TACC1: variants seen among roughly 807,000 people sequenced by gnomAD.
The protein encoded by TACC1 is transforming acidic coiled-coil containing protein 1.
Under a neutral mutation model 84.4 loss-of-function variants are expected in TACC1, and 48 were observed. The observed-to-expected ratio is 0.57, with a 90% CI of 0.45 to 0.72. The LOEUF is 0.72. Among genes scored for constraint, TACC1 ranks in the 30% least tolerant of loss-of-function variants. The pLI is 0.00. For missense variants in TACC1, 920 were observed against 973.0 expected (o/e 0.95, Z 0.72); for synonymous variants, 372 against 376.3 (o/e 0.99, Z 0.13).
rs796643582 is a variant in TACC1, at chr8:38,755,812, C to T, written c.26+10319C>T. ...GTGAAAGATAGACAAGTGAAGAGAT[C>T]ATTATTATTATTATTATTAGAGATG... On this transcript the variant is annotated intron_variant, in intron 3 of 14. Coordinates refer to the TACC1 transcript ENST00000518415. 3.5e-3 allele frequency among the ~76,000 whole-genome samples: 522 copies of T among 150,036 alleles called. 7 individuals are homozygous for T. Among genetic ancestry groups the T allele is most frequent in the African/African-American group, 0.012 (504 of 40,894 alleles).
At position 38,851,216 on chromosome 8, in the gene TACC1, G is replaced by A. The variant is rs1833043332; in HGVS notation, c.*3193G>A. 1 of 152,238 alleles carries A rather than the reference G, an allele frequency of 6.6e-6. No individual in the cohort carries two copies. Among genetic ancestry groups the A allele is most frequent in the African/African-American group, 2.4e-5 (1 of 41,450 alleles). 9.4% of individuals were successfully genotyped at this position (152,238 alleles called of 1,614,324 possible). On this transcript the variant is annotated 3_prime_UTR_variant, in exon 13 of 13. Coordinates refer to ENST00000317827, the MANE Select transcript of TACC1 (RefSeq NM_006283.3). ...CCTTCCAGAATGGTATGGAATCTGA[G>A]GGAAGATTTATGTTTCGTTTTGGAG... is the stretch of plus-strand genomic sequence containing the variant.
At chr8:38,729,428 C>T (rs1316975990) in intron 1 of TACC1, among the ~76,000 whole-genome samples, 2 of 152,240 alleles carry the variant, frequency 1.3e-5, no homozygotes, top group African/African-American at 4.8e-5. Context: ...GGCAGTCGGT[C>T]TCTGGAAGGC....
chr8:38,841,118 A>G (rs1054461149), intron 9 of TACC1, among the ~76,000 whole-genome samples: 4 of 152,198 alleles, frequency 2.6e-5, no homozygotes, highest in South Asian at 2.1e-4. Flanking sequence ...TCTGGCCACA[A>G]CATTTTCATT....
At position 38,819,705 on chromosome 8, in the gene TACC1, T is replaced by G. The variant is rs752192473; in HGVS notation, c.461T>G (p.Ile154Arg). ...SKISIVRPFS[I>R]ETKDSTDISA... is the part of the protein sequence containing the mutation. ...ATTTCCATCGTGAGGCCATTTTCAA[T>G]AGAAACGAAGGATTCCACGGATATC... The change falls in exon 3 of 13, where the codon ATA becomes AGA. Residue 154 changes from isoleucine to arginine, a missense_variant. Ile to Arg is a moderately conservative substitution (Grantham distance 97, BLOSUM62 -3). Coordinates refer to ENST00000317827, the MANE Select transcript of TACC1 (RefSeq NM_006283.3). 6.2e-7 allele frequency: 1 copy of G among 1,614,152 alleles called. No homozygotes were observed. Among genetic ancestry groups the G allele is most frequent in the Admixed American group, 1.7e-5 (1 of 60,018 alleles).
chr8:38,805,699 T>TGATCTGAGAA (rs1158930564), intron 2 of TACC1: 1 of 152,410 alleles, frequency 6.6e-6, no homozygotes, highest in African/African-American at 2.4e-5. Context: ...GGTTGGTTGG[T>TGATCTGAGAA]GATCTGAGAA....
chr8:38,809,444 T>TGTTAG (rs2152117634), intron 2 of TACC1, among the ~76,000 whole-genome samples: 1 of 152,228 alleles, frequency 6.6e-6, no homozygotes, highest in Non-Finnish European at 1.5e-5. Context: ...TTCCTCCCCC[T>TGTTAG]TCCCTAGCTC....
intron 3 of TACC1, among the ~76,000 whole-genome samples, chr8:38,778,961 G>A (rs991232356): frequency 6.6e-6 from 1 of 150,818 alleles, no homozygotes; most frequent in East Asian, 1.9e-4. Flanking sequence ...GTATCAGTAG[G>A]GGTCCTTGGG....
chr8:38,828,085 G>A (rs1338555703), intron 5 of TACC1: 1 of 152,388 alleles, frequency 6.6e-6, no homozygotes, highest in African/African-American at 2.4e-5. Context: ...TATATCAAAT[G>A]GCCTATAAAT....
At chr8:38,762,178 C>T (rs1487923732) in intron 3 of TACC1, among the ~76,000 whole-genome samples, 3 of 152,128 alleles carry the variant, frequency 2.0e-5, no homozygotes, top group Admixed American at 1.3e-4. Flanking sequence ...TATACAACTC[C>T]GTGGCATTAA....
intron 3 of TACC1, among the ~76,000 whole-genome samples, chr8:38,775,179 TG>T (rs994281599): frequency 3.9e-5 from 6 of 152,120 alleles, no homozygotes; most frequent in Non-Finnish European, 7.4e-5. Context: ...CTTTTGGGGC[TG>T]GGGGGAAACT....
At chr8:38,785,080 T>C (rs1425388132), upstream of TACC1, among the ~76,000 whole-genome samples, 1 of 151,432 alleles carries the variant, frequency 6.6e-6, no homozygotes, top group Non-Finnish European at 1.5e-5. Context: ...CTGTAGACAC[T>C]TGAGCTAAGT....
intron 5 of TACC1, among the ~76,000 whole-genome samples, chr8:38,830,118 A>G (rs1441215887): frequency 6.6e-6 from 1 of 152,232 alleles, no homozygotes; most frequent in Admixed American, 6.5e-5. Flanking sequence ...TTTTTGAATA[A>G]GGGAGTGATG....
intron 2 of TACC1, among the ~76,000 whole-genome samples, chr8:38,793,160 G>T (rs895258592): frequency 2.0e-5 from 3 of 152,196 alleles, no homozygotes; most frequent in African/African-American, 7.2e-5. Flanking sequence ...TTAATTAAAT[G>T]CCTAGGTATT....
intron 2 of TACC1, among the ~76,000 whole-genome samples, chr8:38,804,488 A>G (rs1253713997): frequency 1.3e-5 from 2 of 151,938 alleles, no homozygotes; most frequent in African/African-American, 2.4e-5. Context: ...TTTAGTAGAG[A>G]TGGGGTTTTG....
Position 38,820,016 on chromosome 8 carries a change from C to T in TACC1, c.772C>T (p.Pro258Ser). 2 of 1,614,042 alleles carry T rather than the reference C, an allele frequency of 1.2e-6. No individual in the cohort carries two copies. The highest frequency in any genetic ancestry group is 2.2e-5 in the South Asian group (2 of 91,084). The stretch of plus-strand genomic sequence containing the variant: ...CACCAACGCTGCTGTGGAGGGCACA[C>T]CTCTCCCCAAGGCATCCTATCACTT... ...SDTNAAVEGT[P>S]LPKASYHFSP... The change falls in exon 3 of 13, where the codon CCT becomes TCT. Residue 258 changes from proline to serine, a missense_variant. Pro to Ser is a moderately conservative substitution (Grantham distance 74, BLOSUM62 -1). Coordinates refer to ENST00000317827, the MANE Select transcript of TACC1 (RefSeq NM_006283.3).
At chr8:38,782,716 A>C (rs1365368308), upstream of TACC1, among the ~76,000 whole-genome samples, 1 of 152,232 alleles carries the variant, frequency 6.6e-6, no homozygotes, top group African/African-American at 2.4e-5. Flanking sequence ...AAGACCAAAC[A>C]TATCTATTGG....
rs1456285727 is a variant in TACC1 at position 38,851,103 on chromosome 8, T to G, written c.*3080T>G. The G allele has an allele frequency of 6.6e-6, 1 of 152,270 alleles. No individual in the cohort carries two copies. The highest frequency in any genetic ancestry group is 1.5e-5 in the Non-Finnish European group (1 of 68,066). 9.4% of individuals were successfully genotyped at this position (152,270 alleles called of 1,614,324 possible). A position where few individuals can be genotyped will look rare whatever the true frequency, so the allele number is the denominator to read the frequency against. On this transcript the variant is annotated 3_prime_UTR_variant, in exon 13 of 13. Transcript: ENST00000317827. Reference sequence around the variant, plus strand: ...CTCTGGAAATACCGGGAAGCCCAGTTTTCTCACGTGGTTTCTAGCTTCTTC... The same window carrying G: ...CTCTGGAAATACCGGGAAGCCCAGTGTTCTCACGTGGTTTCTAGCTTCTTC...
intron 8 of TACC1, chr8:38,839,925 C>G: frequency 8.9e-6 from 2 of 223,676 alleles, no homozygotes; most frequent in Non-Finnish European, 8.7e-6. Flanking sequence ...CAGAATGAAT[C>G]TATTTCCTTG....
At chr8:38,730,666 G>A (rs1316612098) in intron 1 of TACC1, among the ~76,000 whole-genome samples, 1 of 152,226 alleles carries the variant, frequency 6.6e-6, no homozygotes, top group African/African-American at 2.4e-5. Context: ...CCCTGAGTCT[G>A]AGCCATACTG....
Sources: gnomAD v4.1 joint callset for allele counts (sites outside exome capture counted in the v4.1 genomes callset) on GRCh38, gnomAD v4.1.1 for gene constraint, MANE v1.5 for transcripts, NCBI Gene and HGNC (gene_info 2026-07-23, HGNC 2026-07-21) for gene names.